The following TXNDC12 variants were observed in gnomAD, a reference collection of about 807,000 sequenced individuals.
The protein encoded by TXNDC12 is thioredoxin domain containing 12, also known as thioredoxin domain-containing protein 12.
TXNDC12 carries 22 observed loss-of-function variants against 24.2 expected under a neutral mutation model. That is an observed-to-expected ratio of 0.91 (90% CI 0.65 to 1.30). The LOEUF is 1.30. TXNDC12 is among the 50% of genes most tolerant of loss of function. The pLI is 0.00. For missense variants in TXNDC12, 184 were observed against 205.8 expected (o/e 0.89, Z 0.65); for synonymous variants, 58 against 73.4 (o/e 0.79, Z 1.07).
rs1034197836 is a variant in TXNDC12, at chr1:52,023,495, C to T, written c.435G>A (p.Glu145=). 6.2e-7 allele frequency: 1 copy of T among 1,613,380 alleles called. No homozygotes were observed. The change falls in exon 6 of 7, where the codon GAG becomes GAA. Residue 145 remains glutamate (E), a synonymous_variant. Transcript: ENST00000371626. ...CTCCCTTCAGCATAACTATACCTTG[C>T]TCGGCACTGACATAAAAATACTTGT... The part of the protein sequence containing the change: ...PSYKYFYVSA[E]QVVQGMKEAQ...
chr1:52,033,440 C>T, intron 2 of TXNDC12: 1 of 1,612,716 alleles, frequency 6.2e-7, no homozygotes, highest in Non-Finnish European at 8.5e-7. Flanking sequence ...CCGGGCCGTA[C>T]GCAGTAGACC....
intron 2 of TXNDC12, among the ~76,000 whole-genome samples, chr1:52,037,924 T>C (rs1299196725): frequency 6.6e-6 from 1 of 152,044 alleles, no homozygotes; most frequent in African/African-American, 2.4e-5. Context: ...CTTCCTATTT[T>C]TTTTTTTCCT....
intron 6 of TXNDC12, chr1:52,023,218 G>A: frequency 3.0e-6 from 1 of 331,092 alleles, no homozygotes; most frequent in South Asian, 4.7e-5. Flanking sequence ...TTCTGGCTCT[G>A]CTACTTAACT....
At chr1:52,040,996 C>T (rs543119560) in intron 2 of TXNDC12, among the ~76,000 whole-genome samples, 41 of 151,084 alleles carry the variant, frequency 2.7e-4, no homozygotes, top group Non-Finnish European at 4.9e-4. Flanking sequence ...GATCGCACCA[C>T]TGCACTCCCG....
chr1:52,035,676 C>T (rs1685868601), intron 2 of TXNDC12, among the ~76,000 whole-genome samples: 1 of 152,134 alleles, frequency 6.6e-6, no homozygotes, highest in African/African-American at 2.4e-5. Context: ...CGCACCACTG[C>T]ACTCCAGCCT....
At chr1:52,042,338 A>G (rs547709184) in intron 1 of TXNDC12, among the ~76,000 whole-genome samples, 1 of 152,220 alleles carries the variant, frequency 6.6e-6, no homozygotes, top group South Asian at 2.1e-4. Flanking sequence ...TGCCCTAAAG[A>G]TAAAGGTCCA....
At chr1:52,038,665 G>A (rs1242127428) in intron 2 of TXNDC12, among the ~76,000 whole-genome samples, 1 of 152,094 alleles carries the variant, frequency 6.6e-6, no homozygotes, top group Non-Finnish European at 1.5e-5. Context: ...ATCATTTGTT[G>A]TCATTAAATA....
intron 2 of TXNDC12, chr1:52,033,594 C>T (rs2124371510): frequency 1.2e-6 from 2 of 1,613,424 alleles, no homozygotes; most frequent in African/African-American, 2.7e-5. Context: ...CACGCAATGC[C>T]TTCTCACGGG....
At chr1:52,045,450 A>G (rs575627234) in intron 1 of TXNDC12, among the ~76,000 whole-genome samples, 1 of 152,294 alleles carries the variant, frequency 6.6e-6, no homozygotes, top group Non-Finnish European at 1.5e-5. Context: ...TTATGAGAAG[A>G]GGAGATTAGG....
chr1:52,034,481 T>G (rs936663206), intron 2 of TXNDC12, among the ~76,000 whole-genome samples: 3 of 152,250 alleles, frequency 2.0e-5, no homozygotes, highest in African/African-American at 7.2e-5. Context: ...CAGTTACATT[T>G]GAATTTCAGA....
At chr1:52,038,315 GT>G (rs34437108) in intron 2 of TXNDC12, among the ~76,000 whole-genome samples, 2,552 of 141,390 alleles carry the variant, frequency 0.018, 52 homozygotes, top group South Asian at 0.06. Flanking sequence ...CCTGTATCTT[GT>G]TTTTTTTTTT....
At chr1:52,033,371 TGAC>T in intron 2 of TXNDC12, 1 of 1,613,634 alleles carries the variant, frequency 6.2e-7, no homozygotes, top group African/African-American at 1.3e-5. Flanking sequence ...CAACTCACAC[TGAC>T]GTTCCGGCCA....
At chr1:52,036,683 A>G (rs944754431) in intron 2 of TXNDC12, among the ~76,000 whole-genome samples, 1 of 152,254 alleles carries the variant, frequency 6.6e-6, no homozygotes, top group Non-Finnish European at 1.5e-5. Context: ...ATGTTGTAAA[A>G]TAAGTCAAAA....
intron 2 of TXNDC12, chr1:52,032,584 A>C: frequency 6.9e-7 from 1 of 1,439,890 alleles, no homozygotes. Context: ...CAGTCACAAC[A>C]GCTCTAGTAC....
intron 1 of TXNDC12, among the ~76,000 whole-genome samples, chr1:52,052,917 G>A (rs1328292551): frequency 6.6e-6 from 1 of 152,098 alleles, no homozygotes; most frequent in Non-Finnish European, 1.5e-5. Context: ...CTTGCCCAAG[G>A]CTACTCAGCT....
rs949293522 is a variant in TXNDC12, at chr1:52,055,042, G to T, written c.55C>A (p.Leu19Ile). The T allele has an allele frequency of 6.2e-7, 1 of 1,613,984 alleles. No individual in the cohort carries two copies. The highest frequency in any genetic ancestry group is 1.3e-5 in the African/African-American group (1 of 74,932). The part of the protein sequence containing the change: ...ATCLLGFSFL[L>I]LVISSDGHNG... ...TGTCCATCAGAAGAGATGACGAGGA[G>T]CAGGAAACTGAAGCCCAGCAAACAG... The change falls in exon 1 of 7, where the codon CTC becomes ATC. Residue 19 changes from leucine to isoleucine, a missense_variant. Leu to Ile is a conservative substitution (Grantham distance 5). Coordinates refer to ENST00000371626, the MANE Select transcript of TXNDC12 (RefSeq NM_015913.4).
intron 2 of TXNDC12, chr1:52,033,751 A>T: frequency 6.3e-7 from 1 of 1,598,594 alleles, no homozygotes; most frequent in Non-Finnish European, 8.5e-7. Context: ...GCAAAACACC[A>T]CGAGCGGCAT....
intron 2 of TXNDC12, among the ~76,000 whole-genome samples, chr1:52,039,496 GT>G (rs1308182009): frequency 1.3e-5 from 2 of 151,900 alleles, no homozygotes; most frequent in African/African-American, 4.8e-5. Flanking sequence ...GCCCAGCTAA[GT>G]TTTTTGTATT....
At chr1:52,033,495 G>C (rs1685819464) in intron 2 of TXNDC12, 1 of 1,613,868 alleles carries the variant, frequency 6.2e-7, no homozygotes, top group Non-Finnish European at 8.5e-7. Flanking sequence ...AGTAGAGCTC[G>C]TAACGGAAAC....
Sources: allele counts gnomAD v4.1 joint callset (sites outside exome capture counted in the v4.1 genomes callset), GRCh38; gene constraint gnomAD v4.1.1; transcripts MANE v1.5; gene names NCBI Gene and HGNC (gene_info 2026-07-23, HGNC 2026-07-21).